Variants in HSF1 observed in about 807,000 individuals in gnomAD.
HSF1 encodes heat shock factor protein 1.
A neutral mutation model predicts 51.7 loss-of-function variants in HSF1; 32 were observed. The ratio of observed to expected loss-of-function variants is 0.62; its 90% CI spans 0.47 to 0.83. The LOEUF is 0.83. HSF1 is among the 40% of genes least tolerant of loss of function. The pLI is 0.00. For missense variants in HSF1, 727 were observed against 717.0 expected, an observed-to-expected ratio of 1.01 and a Z score of -0.16; for synonymous variants, 396 against 309.7, an observed-to-expected ratio of 1.28 and a Z score of -2.92.
At position 144,291,814 on chromosome 8, in the gene HSF1, G is replaced by C; in HGVS notation, c.57G>C (p.Leu19=). ...AAGPSNVPAF[L]TKLWTLVSDP... is the part of the protein sequence containing the mutation. ...GGCCCAGCAACGTCCCGGCCTTCCTGACCAAGCTGTGGACCCTCGTGAGCG... is the reference window on the plus strand; with the variant it reads ...GGCCCAGCAACGTCCCGGCCTTCCTCACCAAGCTGTGGACCCTCGTGAGCG... The change falls in exon 1 of 13, where the codon CTG becomes CTC. Residue 19 remains leucine (L), a synonymous_variant. Coordinates refer to ENST00000528838, the MANE Select transcript of HSF1 (RefSeq NM_005526.4). The surrounding 1 kb of genome is among the most constrained non-coding windows in gnomAD (Gnocchi z 4.1). The C allele has an allele frequency of 6.4e-7, 1 of 1,557,668 alleles. No individual in the cohort carries two copies.
In HSF1 at chr8:144,308,940, A is replaced by C. The variant is rs782526472; in HGVS notation, c.152A>C (p.Gln51Pro). ...AGCTTCCACGTGTTCGACCAGGGCCAGTTTGCCAAGGAGGTGCTGCCCAAG... is the reference window on the plus strand; with the variant it reads ...AGCTTCCACGTGTTCGACCAGGGCCCGTTTGCCAAGGAGGTGCTGCCCAAG... ...GNSFHVFDQG[Q>P]FAKEVLPKYF... Residue 51 changes from glutamine (Q) to proline (P), a missense_variant, in exon 2 of 13, where the codon CAG becomes CCG. Physicochemically the swap from Gln to Pro is moderately conservative, Grantham distance 76. Transcript: ENST00000528838. 2.5e-6 allele frequency: 4 copies of C among 1,614,048 alleles called. No individual in the cohort carries two copies. The African/African-American group carries it at 5.3e-5, about 22-fold the overall frequency.
chr8:144,306,968 G>T lies in HSF1; in HGVS notation c.118-1938G>T, dbSNP rs1334909815. 2.6e-5 allele frequency among the ~76,000 whole-genome samples: 4 copies of T among 152,194 alleles called. No individual in the cohort carries two copies. In the East Asian group the frequency reaches 7.7e-4, roughly 29 times the overall value. On this transcript the variant is annotated intron_variant, in intron 1 of 12. Coordinates refer to ENST00000528838, the MANE Select transcript of HSF1 (RefSeq NM_005526.4). ...GACGCCTTCAGCACTCGGCCAGGCAGTGGACAACCCAACTGTATGCCTGAC... is the reference window on the plus strand; with the variant it reads ...GACGCCTTCAGCACTCGGCCAGGCATTGGACAACCCAACTGTATGCCTGAC...
At position 144,314,220 on chromosome 8, in the gene HSF1, C is replaced by T. The variant is rs1384238003; in HGVS notation, c.1480C>T (p.Leu494=). 16 of 1,550,104 alleles carry T rather than the reference C, an allele frequency of 1.0e-5. No individual in the cohort carries two copies. Among genetic ancestry groups the T allele is most frequent in the African/African-American group, 5.5e-5 (4 of 73,028 alleles). The change falls in exon 13 of 13, where the codon CTG becomes TTG. Residue 494 remains leucine, a synonymous_variant. Coordinates refer to ENST00000528838, the MANE Select transcript of HSF1 (RefSeq NM_005526.4). ...GSNDLPVLFE[L]GEGSYFSEGD... The stretch of plus-strand genomic sequence containing the variant: ...CAACGACCTGCCGGTGCTGTTTGAG[C>T]TGGGAGAGGGCTCCTACTTCTCCGA...
chr8:144,303,870 C>T (rs1816050532), intron 1 of HSF1, among the ~76,000 whole-genome samples: 2 of 151,936 alleles, frequency 1.3e-5, no homozygotes, highest in South Asian at 4.2e-4. Flanking sequence ...AGCGAGACTC[C>T]ATATAAAAAA....
At position 144,314,630 on chromosome 8, in the gene HSF1, G is replaced by A. The variant is rs782044586; in HGVS notation, c.*300G>A. On this transcript the variant is annotated 3_prime_UTR_variant, in exon 13 of 13. Coordinates refer to ENST00000528838, the MANE Select transcript of HSF1 (RefSeq NM_005526.4). The stretch of plus-strand genomic sequence containing the variant: ...TTTTGGATTTTTACACAACTGTCCC[G>A]TTCCCCGCTCCACAGAGATACACAG... 46 of 460,496 alleles carry A rather than the reference G, an allele frequency of 1.0e-4. No homozygotes were observed. The highest frequency in any genetic ancestry group is 6.0e-4 in the Middle Eastern group (1 of 1,666). 28.5% of individuals were successfully genotyped at this position (460,496 alleles called of 1,614,324 possible).
chr8:144,313,834 C>A lies in HSF1; in HGVS notation c.1249-12C>A. ...CCCGGGTGCTGTTCTGACTTCCCTC[C>A]CTCCTCCGCAGCTGTTCAGCCCCTC... On this transcript the variant is annotated splice_polypyrimidine_tract_variant and intron_variant, in intron 10 of 12. Coordinates refer to ENST00000528838, the MANE Select transcript of HSF1 (RefSeq NM_005526.4). The A allele has an allele frequency of 6.3e-7, 1 of 1,584,928 alleles. No homozygotes were observed. Among genetic ancestry groups the A allele is most frequent in the Non-Finnish European group, 8.5e-7 (1 of 1,169,630 alleles).
chr8:144,312,418 T>A (rs1327559279), intron 9 of HSF1, among the ~76,000 whole-genome samples, 174 bp downstream of exon 9: 3 of 151,804 alleles, frequency 2.0e-5, no homozygotes, highest in Non-Finnish European at 4.4e-5. Context: ...CACCCCACAG[T>A]CCCAAACGCC....
At chr8:144,308,720 C>T (rs1816392738) in intron 1 of HSF1, among the ~76,000 whole-genome samples, 186 bp from the exon 2 acceptor site, 1 of 152,238 alleles carries the variant, frequency 6.6e-6, no homozygotes, top group Non-Finnish European at 1.5e-5. Context: ...CAGATGAGGC[C>T]CGTGTGGCAG....
chr8:144,294,318 A>C (rs1815313070), intron 1 of HSF1, among the ~76,000 whole-genome samples: 1 of 152,128 alleles, frequency 6.6e-6, no homozygotes, highest in Non-Finnish European at 1.5e-5. Context: ...ACTCCCTGTC[A>C]GCAGAGTCCC....
intron 9 of HSF1, chr8:144,312,617 G>C (rs1222780680): frequency 3.9e-6 from 6 of 1,534,756 alleles, no homozygotes; most frequent in Non-Finnish European, 5.2e-6. Flanking sequence ...TCTTGTTTTT[G>C]TATCTTGCAG....
chr8:144,311,025 C>A, intron 4 of HSF1, 149 bp from the exon 5 acceptor site: 1 of 713,702 alleles, frequency 1.4e-6, no homozygotes, highest in South Asian at 1.9e-5. Flanking sequence ...AGTCCCTCCA[C>A]ACACAAGTTC....
intron 1 of HSF1, among the ~76,000 whole-genome samples, chr8:144,302,543 A>T (rs1479634104): frequency 6.6e-6 from 1 of 151,474 alleles, no homozygotes; most frequent in Admixed American, 6.6e-5. Context: ...ATAAAACGCA[A>T]GTGGCTGAGC....
intron 2 of HSF1, 51 bp downstream of exon 2, chr8:144,309,065 T>C (rs1554843786): frequency 7.4e-7 from 1 of 1,354,870 alleles, no homozygotes. Context: ...GACCTGCAGA[T>C]GGCGGGACCC....
intron 1 of HSF1, among the ~76,000 whole-genome samples, chr8:144,294,631 C>T (rs550986890): frequency 7.2e-5 from 11 of 152,384 alleles, no homozygotes; most frequent in African/African-American, 2.6e-4. Context: ...CACCATTGCA[C>T]GTCCCCTCCC....
intron 1 of HSF1, among the ~76,000 whole-genome samples, chr8:144,304,720 C>T (rs552154157): frequency 1.8e-3 from 268 of 152,280 alleles, no homozygotes; most frequent in Non-Finnish European, 3.1e-3. Flanking sequence ...GATCTGTGCT[C>T]ACTACAACTT....
At chr8:144,313,480 C>T in intron 9 of HSF1, 31 bp from the exon 10 acceptor site, 3 of 1,448,392 alleles carry the variant, frequency 2.1e-6, no homozygotes, top group Non-Finnish European at 1.9e-6. Context: ...GCCTGGGGCA[C>T]TGGTTCAGGT....
At chr8:144,312,517 G>T in intron 9 of HSF1, 1 of 1,004,484 alleles carries the variant, frequency 1.0e-6, no homozygotes. Context: ...CAGGCCACGG[G>T]CCCTGGCAGG....
intron 1 of HSF1, among the ~76,000 whole-genome samples, chr8:144,292,965 GA>G (rs1421034053): frequency 6.6e-6 from 1 of 151,706 alleles, no homozygotes; most frequent in East Asian, 1.9e-4. Context: ...AGAAAAAAAA[GA>G]AAAAAAAGAA....
rs1554844790 is a variant in HSF1, at chr8:144,312,002, G to A, written c.900G>A (p.Glu300=). The A allele has an allele frequency of 3.8e-6, 6 of 1,595,428 alleles. No individual in the cohort carries two copies. Among genetic ancestry groups the A allele is most frequent in the Non-Finnish European group, 5.1e-6 (6 of 1,169,962 alleles). Residue 300 remains glutamate, a synonymous_variant, in exon 9 of 13, where the codon GAG becomes GAA. Transcript: ENST00000528838. ...GCCCCCTGGTGCGTGTCAAGGAGGA[G>A]CCCCCCAGCCCGCCTCAGAGCCCCC... ...SSSPLVRVKE[E]PPSPPQSPRV...
Sources: gnomAD v4.1 joint callset for allele counts (sites outside exome capture counted in the v4.1 genomes callset) on GRCh38, gnomAD v4.1.1 for gene constraint, Gnocchi (gnomAD v3.1) non-coding constraint, MANE v1.5 for transcripts, NCBI Gene and HGNC (gene_info 2026-07-23, HGNC 2026-07-21) for gene names.